RPS6KA6: variants seen among roughly 807,000 people sequenced by gnomAD.
RPS6KA6 encodes the protein ribosomal protein S6 kinase alpha-6.
A neutral mutation model predicts 65.4 loss-of-function variants in RPS6KA6; 27 were observed. The observed-to-expected ratio is 0.41, with a 90% CI of 0.30 to 0.57. RPS6KA6 has a LOEUF of 0.57. Among genes scored for constraint, RPS6KA6 ranks in the 20% least tolerant of loss-of-function variants. The pLI is 0.24. For synonymous variants in RPS6KA6, 190 were observed against 184.2 expected (o/e 1.03, Z -0.26); for missense variants, 486 against 555.6 (o/e 0.87, Z 1.26).
At position 84,174,109 on chromosome X, in the gene RPS6KA6, G is replaced by C. The variant is rs751154322; in HGVS notation, c.82-9722C>G. 1.3e-3 allele frequency among the ~76,000 whole-genome samples: 149 copies of C among 111,497 alleles called. No homozygotes were observed. The Middle Eastern group carries it at 0.014, about 11-fold the overall frequency. ...TTGGTTTGTTTTTTTGGATTCACCA[G>C]GCAAGTTTTAATTTGTACTGTGTCT... On this transcript the variant is annotated intron_variant, in intron 1 of 21. Transcript: ENST00000262752.
rs961177398 is a variant in RPS6KA6 at position 84,063,308 on chromosome X, T to G, written c.*969A>C. The G allele has an allele frequency of 1.8e-5, 2 of 109,104 alleles. No homozygotes were observed. The highest frequency in any genetic ancestry group is 6.2e-4 in the East Asian group (2 of 3,238). 9.0% of individuals were successfully genotyped at this position (109,104 alleles called of 1,213,427 possible). On this transcript the variant is annotated 3_prime_UTR_variant, in exon 22 of 22. Coordinates refer to ENST00000262752, the MANE Select transcript of RPS6KA6 (RefSeq NM_014496.5). ...AACTGTATTATCATAGGATTCAAGG[T>G]AGAATGATATGCTACACTGTACTTC...
chrX:84,124,228 C>T lies in RPS6KA6; in HGVS notation c.647-4201G>A, dbSNP rs747048210. Among the ~76,000 whole-genome samples, 8 of 110,949 alleles carry T rather than the reference C, an allele frequency of 7.2e-5. 1 individual carries two copies. On this transcript the variant is annotated intron_variant, in intron 8 of 21. Coordinates refer to ENST00000262752, the MANE Select transcript of RPS6KA6 (RefSeq NM_014496.5). ...CCAAGACCAAATTAAAAATCTAACTCATCAATGCCCATACACTCCCAAGCA... is the reference window on the plus strand; with the variant it reads ...CCAAGACCAAATTAAAAATCTAACTTATCAATGCCCATACACTCCCAAGCA...
At chrX:84,100,530 T>C (rs1341061214) in intron 18 of RPS6KA6, among the ~76,000 whole-genome samples, 2 of 111,215 alleles carry the variant, frequency 1.8e-5, no homozygotes, top group Non-Finnish European at 3.8e-5. Context: ...TATTAAATAT[T>C]TGGCTATTAA....
At chrX:84,071,472 T>G (rs2147334223) in intron 20 of RPS6KA6, among the ~76,000 whole-genome samples, 1 of 111,054 alleles carries the variant, frequency 9.0e-6, no homozygotes, top group African/African-American at 3.3e-5. Flanking sequence ...CTAAAAAAAT[T>G]TAAAAGGAGG....
intron 8 of RPS6KA6, among the ~76,000 whole-genome samples, chrX:84,131,906 A>C (rs2147506174): frequency 8.9e-6 from 1 of 112,107 alleles, no homozygotes; most frequent in Non-Finnish European, 1.9e-5. Flanking sequence ...AAACTTTAAA[A>C]GCACACTCAG....
rs2034915806 is a variant in RPS6KA6, at chrX:84,132,467, T to C, written c.646+2315A>G. Among the ~76,000 whole-genome samples, 3 of 110,435 alleles carry C rather than the reference T, an allele frequency of 2.7e-5. No individual in the cohort carries two copies. The Admixed American group carries it at 2.9e-4, about 11-fold the overall frequency. ...TCTGTCTCTTAAAAAAAATAAAATT[T>C]AAAAAATGCAACAGATTATAGCAAC... On this transcript the variant is annotated intron_variant, in intron 8 of 21. Transcript: ENST00000262752.
At chrX:84,066,843 C>T (rs1275476022) in intron 20 of RPS6KA6, among the ~76,000 whole-genome samples, 2 of 111,710 alleles carry the variant, frequency 1.8e-5, no homozygotes, top group Non-Finnish European at 3.8e-5. Flanking sequence ...GACCTCCCAA[C>T]AGGGGTCAAC....
chrX:84,145,038 C>T (rs1263082526), intron 6 of RPS6KA6, among the ~76,000 whole-genome samples: 1 of 111,113 alleles, frequency 9.0e-6, no homozygotes, highest in Non-Finnish European at 1.9e-5. Flanking sequence ...CACAAGAAAA[C>T]TTTCGGGAAT....
intron 3 of RPS6KA6, among the ~76,000 whole-genome samples, chrX:84,154,072 T>C (rs1157317169): frequency 9.0e-6 from 1 of 111,475 alleles, no homozygotes; most frequent in African/African-American, 3.2e-5. Context: ...GAGAGAAATT[T>C]CTCTGGTCTG....
intron 20 of RPS6KA6, among the ~76,000 whole-genome samples, chrX:84,073,061 C>G (rs1375259178): frequency 1.8e-5 from 2 of 111,502 alleles, no homozygotes; most frequent in Non-Finnish European, 3.8e-5. Flanking sequence ...ACGAAAGACT[C>G]CAAATAGCCA....
At chrX:84,133,115 G>A (rs1404358928) in intron 8 of RPS6KA6, among the ~76,000 whole-genome samples, 2 of 111,894 alleles carry the variant, frequency 1.8e-5, no homozygotes, top group Non-Finnish European at 1.9e-5. Context: ...CGCTAAGCAT[G>A]TGGGAGTTAT....
chrX:84,065,520 T>C (rs749336386), intron 20 of RPS6KA6, among the ~76,000 whole-genome samples: 1 of 111,816 alleles, frequency 8.9e-6, no homozygotes, highest in Non-Finnish European at 1.9e-5. Context: ...GGGTCCCATG[T>C]AGTTAATCCA....
chrX:84,084,328 G>T lies in RPS6KA6; in HGVS notation c.1971+11866C>A, dbSNP rs184828404. Reference sequence around the variant, plus strand: ...GGTATTGCCTAGATTTTCTTCTAGGGTGTTTATAGTTTTGGGTTTAACATT... The same window carrying T: ...GGTATTGCCTAGATTTTCTTCTAGGTTGTTTATAGTTTTGGGTTTAACATT... On this transcript the variant is annotated intron_variant, in intron 20 of 21. Transcript: ENST00000262752. 2.1e-3 allele frequency among the ~76,000 whole-genome samples: 239 copies of T among 112,281 alleles called. 1 individual carries two copies. Among genetic ancestry groups the T allele is most frequent in the African/African-American group, 7.3e-3 (226 of 30,886 alleles).
At chrX:84,170,042 C>G (rs1005500391) in intron 1 of RPS6KA6, among the ~76,000 whole-genome samples, 1 of 108,356 alleles carries the variant, frequency 9.2e-6, no homozygotes, top group Non-Finnish European at 1.9e-5. Flanking sequence ...TAGTGACACA[C>G]GCCTGTAATC....
chrX:84,067,116 TAA>T (rs2147322780), intron 20 of RPS6KA6, among the ~76,000 whole-genome samples: 1 of 111,687 alleles, frequency 9.0e-6, no homozygotes, highest in African/African-American at 3.2e-5. Context: ...AAACTCCATA[TAA>T]AAGTCATTAG....
At chrX:84,135,334 ATTCTT>A in intron 6 of RPS6KA6, 124 bp from the exon 7 acceptor site, 2 of 437,914 alleles carry the variant, frequency 4.6e-6, no homozygotes, top group Non-Finnish European at 7.8e-6. Context: ...AGCACAGTCA[ATTCTT>A]ATTTGACTGG....
intron 20 of RPS6KA6, among the ~76,000 whole-genome samples, chrX:84,088,018 C>A (rs1277996936): frequency 1.8e-5 from 2 of 111,803 alleles, no homozygotes; most frequent in African/African-American, 3.3e-5. Flanking sequence ...ATGCTCCTCT[C>A]TAAACTGGCT....
intron 20 of RPS6KA6, among the ~76,000 whole-genome samples, chrX:84,086,876 TTA>T (rs1202701063): frequency 3.6e-5 from 4 of 111,904 alleles, no homozygotes; most frequent in Non-Finnish European, 7.5e-5. Context: ...TTTATGATAG[TTA>T]GTTCTCCTTA....
At chrX:84,106,139 C>A (rs185481679) in intron 15 of RPS6KA6, among the ~76,000 whole-genome samples, 45 of 111,666 alleles carry the variant, frequency 4.0e-4, no homozygotes, top group Non-Finnish European at 7.2e-4. Flanking sequence ...TAACATAATA[C>A]ATGTATAACA....
Sources: gnomAD v4.1 joint callset for allele counts (sites outside exome capture counted in the v4.1 genomes callset) on GRCh38, gnomAD v4.1.1 for gene constraint, MANE v1.5 for transcripts, NCBI Gene and HGNC (gene_info 2026-07-23, HGNC 2026-07-21) for gene names.